The following MGST1 variants were observed in gnomAD, a reference collection of about 807,000 sequenced individuals.
The protein encoded by MGST1 is glutathione S-transferase 12.
MGST1 carries 5 observed loss-of-function variants against 8.9 expected under a neutral mutation model. That is an observed-to-expected ratio of 0.56 (90% CI 0.29 to 1.19). The LOEUF (loss-of-function observed/expected upper bound fraction) is 1.19, where lower values mean the gene tolerates loss of function less well. Among genes scored for constraint, MGST1 ranks in the 50% most tolerant of loss-of-function variants. The pLI is 0.08. For synonymous variants in MGST1, 54 were observed against 67.8 expected (o/e 0.80, Z 1.00); for missense variants, 182 against 187.4 (o/e 0.97, Z 0.17).
At chr12:16,349,636 A>AT in intron 1 of MGST1, among the ~76,000 whole-genome samples, 1 of 152,250 alleles carries the variant, frequency 6.6e-6, no homozygotes, top group South Asian at 2.1e-4. Flanking sequence ...GAGATAAAAT[A>AT]TGCAAAAGCT....
intron 4 of MGST1, among the ~76,000 whole-genome samples, chr12:16,529,146 C>G (rs1565470044): frequency 6.6e-6 from 1 of 152,000 alleles, no homozygotes; most frequent in Non-Finnish European, 1.5e-5. Context: ...CTTATATAAA[C>G]AATTCCTTTC....
chr12:16,428,710 A>C (rs1315287844), intron 1 of MGST1, among the ~76,000 whole-genome samples: 1 of 152,040 alleles, frequency 6.6e-6, no homozygotes, highest in Non-Finnish European at 1.5e-5. Context: ...TATTTTATTT[A>C]AAATGTTTTT....
Position 16,582,248 on chromosome 12 carries a change from C to T in MGST1, n.483-7280C>T, listed in dbSNP as rs1388899298. On this transcript the variant is annotated intron_variant and non_coding_transcript_variant, in intron 4 of 4. Coordinates refer to the MGST1 transcript ENST00000538857. The surrounding 1 kb of genome is among the most constrained non-coding windows in gnomAD (Gnocchi z 4.1). ...ACAGACTGCCATAACTATGGTGTTT[C>T]TTCCTCCAGTTTGATAATACAATGA... Among the ~76,000 whole-genome samples, 13 of 152,146 alleles carry T rather than the reference C, an allele frequency of 8.5e-5. No individual in the cohort carries two copies. The highest frequency in any genetic ancestry group is 8.5e-4 in the Admixed American group (13 of 15,272).
intron 4 of MGST1, among the ~76,000 whole-genome samples, chr12:16,479,235 C>CTTTTTTTTT (rs542448251): frequency 9.8e-5 from 11 of 112,060 alleles, no homozygotes; most frequent in Non-Finnish European, 1.5e-4. Context: ...TAGACTGTAT[C>CTTTTTTTTT]TTTTTTTTTT....
At position 16,585,549 on chromosome 12, in the gene MGST1, T is replaced by G. The variant is rs2137573588; in HGVS notation, n.483-3979T>G. Among the ~76,000 whole-genome samples, 1 of 152,322 alleles carries G rather than the reference T, an allele frequency of 6.6e-6. No homozygotes were observed. The highest frequency in any genetic ancestry group is 2.1e-4 in the South Asian group (1 of 4,824). On this transcript the variant is annotated intron_variant and non_coding_transcript_variant, in intron 4 of 4. Coordinates refer to the MGST1 transcript ENST00000538857. This position sits in a 1 kb window ranked among gnomAD's most constrained non-coding sequence, Gnocchi z 4.7. ...AAACTAATTTCATCACAATCTCCCC[T>G]TTCCTAAATTCCTCTCACTCAGCTA...
chr12:16,439,396 G>T (rs377636550), downstream of MGST1, among the ~76,000 whole-genome samples: 5 of 151,982 alleles, frequency 3.3e-5, no homozygotes, highest in African/African-American at 1.2e-4. Flanking sequence ...TATGTTTGGA[G>T]TAGTGGCTTT....
rs149574296 is a variant in MGST1, at chr12:16,485,988, T to C, written n.482+102384T>C. Among the ~76,000 whole-genome samples, 41 of 152,360 alleles carry C rather than the reference T, an allele frequency of 2.7e-4. No homozygotes were observed. The East Asian group carries it at 7.5e-3, about 28-fold the overall frequency. Reference sequence around the variant, plus strand: ...CCACATAAGGGGCTTCGATGACCTTTGAACATGCCAAGCACTGCTCTTACC... The same window carrying C: ...CCACATAAGGGGCTTCGATGACCTTCGAACATGCCAAGCACTGCTCTTACC... On this transcript the variant is annotated intron_variant and non_coding_transcript_variant, in intron 4 of 4. Transcript: ENST00000538857.
intron 4 of MGST1, among the ~76,000 whole-genome samples, chr12:16,542,467 A>G (rs1219970854): frequency 6.6e-6 from 1 of 152,210 alleles, no homozygotes; most frequent in Non-Finnish European, 1.5e-5. Context: ...CGAAGAACAT[A>G]CATTTCTTAT....
At position 16,401,402 on chromosome 12, in the gene MGST1, G is replaced by T; in HGVS notation, n.778+17798G>T. The stretch of plus-strand genomic sequence containing the variant: ...CCTAGGTTTCTGGTAATTTTGTTCA[G>T]GAGTTCTGGCTTCTGCTTTTTAGCC... On this transcript the variant is annotated intron_variant and non_coding_transcript_variant, in intron 1 of 1. Transcript: ENST00000359720. The surrounding 1 kb of genome is among the most constrained non-coding windows in gnomAD (Gnocchi z 4.3). The T allele has an allele frequency of 2.9e-6, 3 of 1,027,558 alleles. No homozygotes were observed. The highest frequency in any genetic ancestry group is 4.6e-6 in the Non-Finnish European group (3 of 650,088). The allele number at this position is 1,027,558 out of a possible 1,614,324, so 63.7% of individuals were successfully genotyped here.
At chr12:16,418,293 G>A (rs1940803540) in intron 1 of MGST1, among the ~76,000 whole-genome samples, 1 of 152,282 alleles carries the variant, frequency 6.6e-6, no homozygotes, top group South Asian at 2.1e-4. Context: ...ATTGAGACAA[G>A]CTGATCTAAT....
rs1940373495 is a variant in MGST1, at chr12:16,376,028, T to G, written c.222-94T>G. On this transcript the variant is annotated intron_variant, in intron 3 of 3. Transcript: ENST00000535309. ...CACACCTATATGTACACACACAGAT[T>G]TTATACATATATATAAATGTATTTT... The G allele has an allele frequency of 5.8e-6, 5 of 861,582 alleles. No homozygotes were observed. In the East Asian group the frequency reaches 1.5e-4, roughly 26 times the overall value. The allele number at this position is 861,582 out of a possible 1,614,324, so 53.4% of individuals were successfully genotyped here. A position where few individuals can be genotyped will look rare whatever the true frequency, so the allele number is the denominator to read the frequency against.
Position 16,474,640 on chromosome 12 carries a change from T to C in MGST1, n.482+91036T>C, listed in dbSNP as rs192020560. 3.4e-3 allele frequency among the ~76,000 whole-genome samples: 525 copies of C among 152,270 alleles called. 2 individuals are homozygous for C. Among genetic ancestry groups the C allele is most frequent in the Admixed American group, 0.012 (190 of 15,296 alleles). On this transcript the variant is annotated intron_variant and non_coding_transcript_variant, in intron 4 of 4. Coordinates refer to the MGST1 transcript ENST00000538857. ...TTCATATAACCTTTTTGATCCCCTTTCTCCCTCTGTCCTTCCCCTACTGCC... is the reference window on the plus strand; with the variant it reads ...TTCATATAACCTTTTTGATCCCCTTCCTCCCTCTGTCCTTCCCCTACTGCC...
chr12:16,475,564 T>G (rs1013574642), intron 4 of MGST1, among the ~76,000 whole-genome samples: 1 of 152,320 alleles, frequency 6.6e-6, no homozygotes, highest in South Asian at 2.1e-4. Flanking sequence ...AAGTAGCAGG[T>G]TTATAGTTCT....
chr12:16,401,658 A>G lies in MGST1; in HGVS notation n.778+18054A>G, dbSNP rs1940656428. On this transcript the variant is annotated intron_variant and non_coding_transcript_variant, in intron 1 of 1. Coordinates refer to the MGST1 transcript ENST00000359720. This position sits in a 1 kb window ranked among gnomAD's most constrained non-coding sequence, Gnocchi z 4.3. ...CTTGTCACTCACCACACTGAACTTG[A>G]GATTATAGTTGCCACCACTCTGAAT... The G allele has an allele frequency of 3.1e-6, 5 of 1,601,478 alleles. No individual in the cohort carries two copies. The highest frequency in any genetic ancestry group is 3.4e-6 in the Non-Finnish European group (4 of 1,168,650).
chr12:16,442,544 G>T (rs1001709395), downstream of MGST1, among the ~76,000 whole-genome samples: 4 of 151,710 alleles, frequency 2.6e-5, no homozygotes. This position sits in a 1 kb window ranked among gnomAD's most constrained non-coding sequence, Gnocchi z 4.5. Context: ...ATGTCTATTT[G>T]TTCCAGAACT....
chr12:16,452,325 T>C (rs545754228), intron 4 of MGST1, among the ~76,000 whole-genome samples: 122 of 151,674 alleles, frequency 8.0e-4, no homozygotes, highest in African/African-American at 2.7e-3. Context: ...TGCCACATCA[T>C]ATACTAGTGG....
At chr12:16,370,449 G>A (rs1940272048) in intron 3 of MGST1, 1 of 152,068 alleles carries the variant, frequency 6.6e-6, no homozygotes. Flanking sequence ...GTAGACCAGA[G>A]AATATTGCTG....
At position 16,363,942 on chromosome 12, in the gene MGST1, AC is replaced by A. The variant is rs1180506890; in HGVS notation, c.373del (p.Leu125PhefsTer8). The A allele has an allele frequency of 1.9e-6, 3 of 1,613,814 alleles. No individual in the cohort carries two copies. In the South Asian group the frequency reaches 3.3e-5, roughly 18 times the overall value. ...TCTACCACACCATTGCATATTTGAC[AC>A]CCCTTCCCCAGCCAAATAGAGCTTT... ...RIYHTIAYLT[P>X]LPQPNRALSF... On this transcript the variant is annotated frameshift_variant, in exon 4 of 4. Coordinates refer to ENST00000396210, the MANE Select transcript of MGST1 (RefSeq NM_020300.5). LOFTEE classifies it high-confidence loss of function. The surrounding 1 kb of genome is among the most constrained non-coding windows in gnomAD (Gnocchi z 4.6).
At chr12:16,515,888 G>A (rs988286566) in intron 4 of MGST1, among the ~76,000 whole-genome samples, 4 of 152,074 alleles carry the variant, frequency 2.6e-5, no homozygotes, top group African/African-American at 9.7e-5. Flanking sequence ...CTAGGAAAGA[G>A]GATATTCTAG....
Sources: gnomAD v4.1 joint callset for allele counts (sites outside exome capture counted in the v4.1 genomes callset) on GRCh38, gnomAD v4.1.1 for gene constraint, Gnocchi (gnomAD v3.1) non-coding constraint, MANE v1.5 for transcripts, NCBI Gene and HGNC (gene_info 2026-07-23, HGNC 2026-07-21) for gene names.